KNTC1: variants seen among roughly 807,000 people sequenced by gnomAD.
The protein encoded by KNTC1 is kinetochore-associated protein 1.
A neutral mutation model predicts 314.4 loss-of-function variants in KNTC1; 253 were observed. The ratio of observed to expected loss-of-function variants is 0.80; its 90% CI spans 0.73 to 0.89. KNTC1 has a LOEUF of 0.89. Among genes scored for constraint, KNTC1 ranks in the 40% least tolerant of loss-of-function variants. The pLI is 0.00. For synonymous variants in KNTC1, 901 were observed against 901.4 expected, an observed-to-expected ratio of 1.00 and a Z score of 0.01; for missense variants, 2,475 against 2,572.9, an observed-to-expected ratio of 0.96 and a Z score of 0.82.
rs1439608385 is a variant in KNTC1, at chr12:122,570,859, TA to T, written c.1861-14del. On this transcript the variant is annotated splice_polypyrimidine_tract_variant and intron_variant, in intron 22 of 63. Coordinates refer to ENST00000333479, the MANE Select transcript of KNTC1 (RefSeq NM_014708.6). The stretch of plus-strand genomic sequence containing the variant: ...GATTATCCATTAAGAATTTCATTTT[TA>T]AATAATCTATTTCAGATAATTCTTG... The T allele has an allele frequency of 4.0e-6, 6 of 1,492,066 alleles. No homozygotes were observed. The highest frequency in any genetic ancestry group is 5.5e-6 in the Non-Finnish European group (6 of 1,097,834). 92.4% of individuals were successfully genotyped at this position (1,492,066 alleles called of 1,614,324 possible). A position where few individuals can be genotyped will look rare whatever the true frequency, so the allele number is the denominator to read the frequency against.
Position 122,562,700 on chromosome 12 carries a change from G to T in KNTC1, c.1604+1G>T, listed in dbSNP as rs748375407. 3 of 1,603,834 alleles carry T rather than the reference G, an allele frequency of 1.9e-6. No individual in the cohort carries two copies. The highest frequency in any genetic ancestry group is 2.2e-5 in the East Asian group (1 of 44,812). ...GAGCATTTGGACCAGAAAAATTCAG[G>T]TGTGTACATTTTTGTTAAAACTTTT... On this transcript the variant is annotated splice_donor_variant, in intron 20 of 63. Transcript: ENST00000333479. LOFTEE classifies it high-confidence loss of function.
chr12:122,625,533 C>T (rs1204102880), intron 63 of KNTC1, among the ~76,000 whole-genome samples: 1 of 151,652 alleles, frequency 6.6e-6, no homozygotes, highest in African/African-American at 2.4e-5. Flanking sequence ...CACCATTGTA[C>T]CCCAGCCTGG....
intron 16 of KNTC1, among the ~76,000 whole-genome samples, chr12:122,553,276 T>C (rs186469320): frequency 1.5e-3 from 226 of 152,046 alleles, no homozygotes; most frequent in Non-Finnish European, 2.6e-3. Context: ...AGCATACACA[T>C]TGGGTGACGA....
chr12:122,623,838 G>A (rs909224801), intron 62 of KNTC1, among the ~76,000 whole-genome samples: 28 of 152,114 alleles, frequency 1.8e-4, no homozygotes, highest in Admixed American at 5.9e-4. Context: ...AGGCCGAGGC[G>A]GGTGGATCAC....
intron 16 of KNTC1, among the ~76,000 whole-genome samples, chr12:122,554,070 A>AT (rs1555224793): frequency 2.9e-5 from 2 of 69,154 alleles, no homozygotes; most frequent in Admixed American, 1.4e-4. Context: ...TCCTTAAAAA[A>AT]AAAAAAATAT....
intron 31 of KNTC1, among the ~76,000 whole-genome samples, chr12:122,579,059 T>C (rs1965221270): frequency 1.8e-4 from 3 of 16,394 alleles, no homozygotes; most frequent in Non-Finnish European, 3.1e-4. Context: ...TTTTTTTTTT[T>C]TTTTTTTTTT....
chr12:122,571,130 T>C lies in KNTC1; in HGVS notation c.2019+4T>C. ...TTCCTGGCATTGGATTTCCTTGGTATGATGTGAGAATGGATTTTTAGTAAT... is the reference window on the plus strand; with the variant it reads ...TTCCTGGCATTGGATTTCCTTGGTACGATGTGAGAATGGATTTTTAGTAAT... On this transcript the variant is annotated splice_donor_region_variant and intron_variant, in intron 24 of 63. Transcript: ENST00000333479. 1 of 1,604,528 alleles carries C rather than the reference T, an allele frequency of 6.2e-7. No homozygotes were observed. Among genetic ancestry groups the C allele is most frequent in the Non-Finnish European group, 8.5e-7 (1 of 1,171,552 alleles).
chr12:122,607,548 C>T lies in KNTC1; in HGVS notation c.5497-1836C>T, dbSNP rs547563123. Among the ~76,000 whole-genome samples the T allele has an allele frequency of 3.9e-5, 6 of 152,256 alleles. No homozygotes were observed. In the South Asian group the frequency reaches 1.2e-3, roughly 32 times the overall value. ...ATCATACTGCATAAGTTGTGTTGTGCCCTCCTCAGGGTATGACATTTGGAG... is the reference window on the plus strand; with the variant it reads ...ATCATACTGCATAAGTTGTGTTGTGTCCTCCTCAGGGTATGACATTTGGAG... On this transcript the variant is annotated intron_variant, in intron 51 of 63. Coordinates refer to ENST00000333479, the MANE Select transcript of KNTC1 (RefSeq NM_014708.6).
chr12:122,573,229 G>A lies in KNTC1; in HGVS notation c.2227G>A (p.Val743Ile), dbSNP rs768960218. 3 of 1,613,810 alleles carry A rather than the reference G, an allele frequency of 1.9e-6. No individual in the cohort carries two copies. Among genetic ancestry groups the A allele is most frequent in the South Asian group, 1.1e-5 (1 of 91,080 alleles). ...IPSILEKFIR[V>I]YMREHDLQEE... ...CTCCATCTTAGAGAAGTTTATAAGA[G>A]TTTACATGAGAGAACATGACTTGCA... Residue 743 changes from valine (V) to isoleucine (I), a missense_variant, in exon 26 of 64, where the codon GTT (valine) becomes ATT (isoleucine). Physicochemically the swap from Val to Ile is conservative, Grantham distance 29. Coordinates refer to ENST00000333479, the MANE Select transcript of KNTC1 (RefSeq NM_014708.6).
At chr12:122,603,374 C>T (rs540984315) in intron 48 of KNTC1, 131 bp downstream of exon 48, 188 of 719,218 alleles carry the variant, frequency 2.6e-4, no homozygotes, top group South Asian at 1.1e-3. Context: ...AATGCTGAAA[C>T]GCTCAAGGGC....
chr12:122,587,354 TGTTTA>T (rs1170304533), intron 38 of KNTC1, among the ~76,000 whole-genome samples: 1 of 152,234 alleles, frequency 6.6e-6, no homozygotes, highest in Non-Finnish European at 1.5e-5. Context: ...TTAATGTAAT[TGTTTA>T]GTTATTATTT....
chr12:122,587,920 G>A (rs1460934134), intron 39 of KNTC1, 46 bp downstream of exon 39: 2 of 1,529,122 alleles, frequency 1.3e-6, no homozygotes, highest in Non-Finnish European at 1.8e-6. Flanking sequence ...GAATATAGAT[G>A]TAAAAGCGCT....
chr12:122,588,833 G>T lies in KNTC1; in HGVS notation c.3999+17G>T. The T allele has an allele frequency of 6.8e-7, 1 of 1,475,072 alleles. No homozygotes were observed. Among genetic ancestry groups the T allele is most frequent in the East Asian group, 2.5e-5 (1 of 40,006 alleles). 91.4% of individuals were successfully genotyped at this position (1,475,072 alleles called of 1,614,324 possible). On this transcript the variant is annotated intron_variant, in intron 40 of 63. Transcript: ENST00000333479. ...CTGCACAAAGTAAGTATTTGTTCTG[G>T]GTAAAAATTTTGTTTGTTTTTTTTT...
chr12:122,584,531 T>C (rs1868954714), intron 35 of KNTC1, 81 bp downstream of exon 35: 11 of 1,041,992 alleles, frequency 1.1e-5, no homozygotes, highest in South Asian at 3.3e-5. Context: ...CTCTTTACAA[T>C]TGGACATCAC....
Position 122,557,649 on chromosome 12 carries a change from A to G in KNTC1, c.1448A>G (p.Tyr483Cys), listed in dbSNP as rs1963688836. The change falls in exon 18 of 64, where the codon TAT becomes TGT. Residue 483 changes from tyrosine to cysteine, a missense_variant. Transcript: ENST00000333479. ...NYCLKAQWIT[Y>C]ETTQEMLNYA... is the part of the protein sequence containing the mutation. Reference sequence around the variant, plus strand: ...TGCCTGAAAGCTCAGTGGATAACCTATGAAACCACTCAAGAGATGCTGAAT... The same window carrying G: ...TGCCTGAAAGCTCAGTGGATAACCTGTGAAACCACTCAAGAGATGCTGAAT... 4.3e-6 allele frequency: 7 copies of G among 1,613,552 alleles called. No homozygotes were observed. Among genetic ancestry groups the G allele is most frequent in the East Asian group, 2.2e-5 (1 of 44,870 alleles).
At position 122,575,556 on chromosome 12, in the gene KNTC1, C is replaced by A; in HGVS notation, c.2396C>A (p.Ala799Asp). 1 of 1,588,420 alleles carries A rather than the reference C, an allele frequency of 6.3e-7. No homozygotes were observed. The highest frequency in any genetic ancestry group is 8.6e-7 in the Non-Finnish European group (1 of 1,166,700). ...CLSDTDLIFD[A>D]VLKIMYAAVV... ...CATCTTTTGTAGCTCATATTTGATG[C>A]CGTGCTCAAGATCATGTATGCGGCA... is the stretch of plus-strand genomic sequence containing the variant. Residue 799 changes from alanine (A) to aspartate (D), a missense_variant, in exon 28 of 64, where the codon GCC (alanine) becomes GAC (aspartate). Physicochemically the swap from Ala to Asp is moderately radical, Grantham distance 126. Coordinates refer to ENST00000333479, the MANE Select transcript of KNTC1 (RefSeq NM_014708.6).
At position 122,542,127 on chromosome 12, in the gene KNTC1, G is replaced by A. The variant is rs776939706; in HGVS notation, c.523G>A (p.Ala175Thr). Residue 175 changes from alanine (A) to threonine (T), a missense_variant and splice_region_variant, in exon 6 of 64, where the codon GCA (alanine) becomes ACA (threonine). By Grantham distance (58) the Ala-to-Thr change is moderately conservative. Coordinates refer to ENST00000333479, the MANE Select transcript of KNTC1 (RefSeq NM_014708.6). ...CCTTCAGCTTTTAAAAATTCAACAA[G>A]GTAAGTAATACATTATATTTTTATT... ...TNLQLLKIQQ[A>T]IENVDFSTAK... 9 of 1,462,004 alleles carry A rather than the reference G, an allele frequency of 6.2e-6. No individual in the cohort carries two copies. The highest frequency in any genetic ancestry group is 3.7e-6 in the Non-Finnish European group (4 of 1,068,246). 90.6% of individuals were successfully genotyped at this position (1,462,004 alleles called of 1,614,324 possible).
intron 40 of KNTC1, among the ~76,000 whole-genome samples, chr12:122,590,274 A>G (rs913743953): frequency 6.6e-6 from 1 of 152,142 alleles, no homozygotes; most frequent in African/African-American, 2.4e-5. Context: ...CATACATTAT[A>G]GCTCTTTACC....
rs534735390 is a variant in KNTC1 at position 122,590,468 on chromosome 12, G to T, written c.4000-139G>T. On this transcript the variant is annotated intron_variant, in intron 40 of 63. Transcript: ENST00000333479. ...AATAAACCTTGAGACACTGAATTCT[G>T]TTTTTTTTTCTTTAAAAAGTTTTTT... 6.6e-5 allele frequency: 49 copies of T among 741,592 alleles called. No individual in the cohort carries two copies. The African/African-American group carries it at 7.2e-4, about 11-fold the overall frequency. The allele number at this position is 741,592 out of a possible 1,614,324, so 45.9% of individuals were successfully genotyped here.
Sources: allele counts gnomAD v4.1 joint callset (sites outside exome capture counted in the v4.1 genomes callset), GRCh38; gene constraint gnomAD v4.1.1; transcripts MANE v1.5; gene names NCBI Gene and HGNC (gene_info 2026-07-23, HGNC 2026-07-21).